ADAM22: variants seen among roughly 807,000 people sequenced by gnomAD.
ADAM22 encodes the protein disintegrin and metalloproteinase domain-containing protein 22.
ADAM22 carries 65 observed loss-of-function variants against 144.6 expected under a neutral mutation model. The observed-to-expected ratio is 0.45, with a 90% CI of 0.37 to 0.55. The LOEUF is 0.55. Among genes scored for constraint, ADAM22 ranks in the 20% least tolerant of loss-of-function variants. ADAM22 has a pLI of 0.00. For missense variants in ADAM22, 974 were observed against 1,184.9 expected, an observed-to-expected ratio of 0.82 and a Z score of 2.61; for synonymous variants, 391 against 412.6, an observed-to-expected ratio of 0.95 and a Z score of 0.63.
intron 7 of ADAM22, among the ~76,000 whole-genome samples, chr7:88,117,375 A>G (rs1310477322): frequency 6.6e-6 from 1 of 152,250 alleles, no homozygotes; most frequent in Admixed American, 6.5e-5. Context: ...AAATAGACAA[A>G]TGTCAAAAAT....
At chr7:87,964,345 CTT>C (rs1422670464) in intron 2 of ADAM22, among the ~76,000 whole-genome samples, 1 of 152,166 alleles carries the variant, frequency 6.6e-6, no homozygotes, top group Non-Finnish European at 1.5e-5. Context: ...AATGGTATCT[CTT>C]AGGATTTCCT....
chr7:87,993,443 A>G (rs540708504), intron 3 of ADAM22, among the ~76,000 whole-genome samples: 5 of 152,210 alleles, frequency 3.3e-5, no homozygotes, highest in Admixed American at 6.5e-5. Flanking sequence ...GAATAATTCA[A>G]TTAGAGGTAT....
chr7:87,952,357 G>A (rs549046427), intron 2 of ADAM22, among the ~76,000 whole-genome samples: 3,034 of 151,606 alleles, frequency 0.02, 116 homozygotes, highest in African/African-American at 0.07. Context: ...ATGAAGGGCT[G>A]TTGAATTTTG....
chr7:88,125,884 T>C (rs77804706), intron 8 of ADAM22, among the ~76,000 whole-genome samples: 1 of 152,022 alleles, frequency 6.6e-6, no homozygotes, highest in African/African-American at 2.4e-5. Context: ...TGTTTCTTCA[T>C]CATATTATGG....
chr7:87,972,866 G>A (rs1850816329), intron 2 of ADAM22, among the ~76,000 whole-genome samples: 1 of 152,114 alleles, frequency 6.6e-6, no homozygotes, highest in Non-Finnish European at 1.5e-5. Context: ...TTAATAAATG[G>A]TGCTGGGAAA....
intron 2 of ADAM22, among the ~76,000 whole-genome samples, chr7:87,942,061 A>G (rs1246944436): frequency 6.6e-6 from 1 of 152,146 alleles, no homozygotes; most frequent in Non-Finnish European, 1.5e-5. Context: ...AGATAGGGCC[A>G]TATTTATCAT....
chr7:88,102,196 T>G (rs1043392967), intron 4 of ADAM22, among the ~76,000 whole-genome samples: 4 of 152,218 alleles, frequency 2.6e-5, no homozygotes, highest in African/African-American at 9.6e-5. Context: ...GGGGACAGTT[T>G]GGTATTGAAT....
At chr7:88,108,562 C>T (rs1825119526) in intron 5 of ADAM22, among the ~76,000 whole-genome samples, 2 of 151,928 alleles carry the variant, frequency 1.3e-5, no homozygotes, top group Non-Finnish European at 2.9e-5. Flanking sequence ...AACCCTGTCT[C>T]TACTAAAAAT....
At chr7:88,010,551 G>A (rs1795120134) in intron 3 of ADAM22, among the ~76,000 whole-genome samples, 1 of 152,042 alleles carries the variant, frequency 6.6e-6, no homozygotes, top group African/African-American at 2.4e-5. Context: ...AAAAATGATT[G>A]CAGGCAGTGT....
chr7:88,052,902 A>G (rs1295161500), intron 3 of ADAM22, among the ~76,000 whole-genome samples: 1 of 152,182 alleles, frequency 6.6e-6, no homozygotes, highest in Non-Finnish European at 1.5e-5. Flanking sequence ...ATCTTTCTTC[A>G]GTTAAAAAAG....
Position 88,132,905 on chromosome 7 carries a change from A to T in ADAM22, c.1031A>T (p.Tyr344Phe), listed in dbSNP as rs1425942294. The T allele has an allele frequency of 6.2e-7, 1 of 1,614,020 alleles. No individual in the cohort carries two copies. Among genetic ancestry groups the T allele is most frequent in the Non-Finnish European group, 8.5e-7 (1 of 1,179,938 alleles). ...GAGAGTAGCCGGAGCGGGGCAGCTT[A>T]TATTGGTGGGATTTGCTCGTTGCTG... is the stretch of plus-strand genomic sequence containing the variant. ...QFESSRSGAA[Y>F]IGGICSLLKG... Residue 344 changes from tyrosine to phenylalanine, a missense_variant, in exon 12 of 32, where the codon TAT becomes TTT. Around this residue, in one of 2 missense-constraint regions of ADAM22, gnomAD observed 734 missense variants for 950.6 expected, o/e 0.77. Transcript: ENST00000413139.
chr7:87,946,077 C>A (rs1416312551), intron 2 of ADAM22, among the ~76,000 whole-genome samples: 2 of 151,960 alleles, frequency 1.3e-5, no homozygotes, highest in African/African-American at 4.8e-5. Context: ...GCCATTCTGA[C>A]TGATGTGAGA....
intron 3 of ADAM22, among the ~76,000 whole-genome samples, chr7:88,039,464 A>AAAAAAAAAAAAAAAATATATATATATAT: frequency 1.0e-4 from 8 of 76,400 alleles, no homozygotes; most frequent in African/African-American, 3.3e-4. Flanking sequence ...AAAAAAAAAA[A>AAAAAAAAAAAAAAAATATATATATATAT]ATATATATAT....
chr7:88,193,144 T>C lies in ADAM22; in HGVS notation c.2779T>C (p.Ser927Pro). Residue 927 changes from serine to proline, a missense_variant, in exon 31 of 32, where the codon TCA (serine) becomes CCA (proline). Ser to Pro is a moderately conservative substitution (Grantham distance 74). This residue lies in a region of ADAM22 where 734 missense variants were observed against 950.6 expected (regional missense o/e 0.77). Coordinates refer to ENST00000413139, the MANE Select transcript of ADAM22 (RefSeq NM_001324418.2). ...RTLSPAKSPS[S>P]STGSIASSRK... ...TTTATCTCCTGCCAAGTCTCCTTCTTCATCAACTGGGTCTATTGCCTCCAG... is the reference window on the plus strand; with the variant it reads ...TTTATCTCCTGCCAAGTCTCCTTCTCCATCAACTGGGTCTATTGCCTCCAG... The C allele has an allele frequency of 6.2e-7, 1 of 1,614,130 alleles. No homozygotes were observed. Among genetic ancestry groups the C allele is most frequent in the Non-Finnish European group, 8.5e-7 (1 of 1,179,980 alleles).
At chr7:88,071,659 G>A (rs1175931650) in intron 3 of ADAM22, among the ~76,000 whole-genome samples, 2 of 151,564 alleles carry the variant, frequency 1.3e-5, no homozygotes, top group Non-Finnish European at 2.9e-5. Flanking sequence ...GCTTTTTTAG[G>A]CTTGTTATGA....
chr7:88,029,877 C>T (rs1345999138), intron 3 of ADAM22, among the ~76,000 whole-genome samples: 1 of 150,018 alleles, frequency 6.7e-6, no homozygotes. Context: ...TTTTTTTTCT[C>T]CTGCTACTTT....
intron 6 of ADAM22, 73 bp downstream of exon 6, chr7:88,114,720 A>AATT (rs1827320289): frequency 1.5e-6 from 2 of 1,361,700 alleles, no homozygotes; most frequent in East Asian, 2.3e-5. Context: ...TCCTTTTTTT[A>AATT]TCTCTACTTT....
At chr7:88,032,592 G>C (rs981678712) in intron 3 of ADAM22, among the ~76,000 whole-genome samples, 1 of 152,190 alleles carries the variant, frequency 6.6e-6, no homozygotes, top group Admixed American at 6.5e-5. Flanking sequence ...TTGGGAGACT[G>C]TTAGGAAGTC....
chr7:87,998,658 G>A (rs547368777), intron 3 of ADAM22, among the ~76,000 whole-genome samples: 1 of 152,192 alleles, frequency 6.6e-6, no homozygotes, highest in South Asian at 2.1e-4. Flanking sequence ...CAAAGTGCTG[G>A]GATTACAGGT....
Sources: allele counts gnomAD v4.1 joint callset (sites outside exome capture counted in the v4.1 genomes callset), GRCh38; gene constraint gnomAD v4.1.1; regional missense constraint gnomAD v4.1.1; transcripts MANE v1.5; gene names NCBI Gene and HGNC (gene_info 2026-07-23, HGNC 2026-07-21).